Variants in KSR1 observed in about 807,000 individuals in gnomAD.
KSR1 encodes the protein kinase suppressor of ras 1, also known as kinase suppressor of ras.
Under a neutral mutation model 92.9 loss-of-function variants are expected in KSR1, and 35 were observed. The observed-to-expected ratio is 0.38, with a 90% CI of 0.29 to 0.50. The LOEUF (loss-of-function observed/expected upper bound fraction) is 0.50, where lower values mean the gene tolerates loss of function less well. Ranked by LOEUF, KSR1 falls within the 20% of genes least tolerant of loss-of-function variation. The probability of loss-of-function intolerance (pLI) is 0.94; values close to 1 mark genes in which losing one functional copy is unlikely to be tolerated. For synonymous variants in KSR1, 467 were observed against 472.6 expected (o/e 0.99, Z 0.15); for missense variants, 972 against 1,158.5 (o/e 0.84, Z 2.34).
chr17:27,491,915 C>T (rs1231172010), intron 1 of KSR1, among the ~76,000 whole-genome samples: 1 of 152,158 alleles, frequency 6.6e-6, no homozygotes, highest in Non-Finnish European at 1.5e-5. Context: ...ATACTCTGCT[C>T]ACCATCTGTT....
intron 4 of KSR1, 61 bp from the exon 5 acceptor site, chr17:27,585,596 T>C (rs1198813405): frequency 1.4e-6 from 1 of 732,048 alleles, no homozygotes; most frequent in Non-Finnish European, 2.5e-6. Flanking sequence ...GGTAGTGTTC[T>C]AGGAACACGC....
chr17:27,506,172 A>C (rs995860446), intron 1 of KSR1, among the ~76,000 whole-genome samples: 2 of 152,332 alleles, frequency 1.3e-5, no homozygotes, highest in African/African-American at 4.8e-5. Flanking sequence ...CACCACGGGA[A>C]GGCAATAGTG....
At chr17:27,560,264 G>A (rs1193484639) in intron 2 of KSR1, 3 of 399,140 alleles carry the variant, frequency 7.5e-6, no homozygotes, top group African/African-American at 6.3e-5. Context: ...CTGCTGGCAT[G>A]GAGCCATTTT....
intron 1 of KSR1, among the ~76,000 whole-genome samples, chr17:27,524,176 G>A (rs1482318772): frequency 1.3e-5 from 2 of 152,046 alleles, no homozygotes; most frequent in Admixed American, 1.3e-4. Flanking sequence ...AGGCTGCTGA[G>A]TTGTCAGAAA....
intron 1 of KSR1, among the ~76,000 whole-genome samples, chr17:27,464,629 A>C (rs1597821237): frequency 6.6e-6 from 1 of 151,454 alleles, no homozygotes. Context: ...CTGAGGCTGG[A>C]GGAGCACTTG....
intron 2 of KSR1, among the ~76,000 whole-genome samples, chr17:27,562,641 A>G (rs2071880587): frequency 6.6e-6 from 1 of 152,252 alleles, no homozygotes; most frequent in African/African-American, 2.4e-5. Context: ...AGATTGCTCT[A>G]GAACAGATCT....
intron 2 of KSR1, among the ~76,000 whole-genome samples, chr17:27,569,711 T>C (rs1214881826): frequency 6.6e-6 from 1 of 152,264 alleles, no homozygotes; most frequent in Non-Finnish European, 1.5e-5. Context: ...CACCCATTTG[T>C]GTACGTGTTG....
chr17:27,526,012 C>CTTT (rs1346952230), intron 1 of KSR1, among the ~76,000 whole-genome samples: 1 of 98,232 alleles, frequency 1.0e-5, no homozygotes, highest in African/African-American at 5.7e-5. Flanking sequence ...CTTTTCTTTT[C>CTTT]TTTTCTTTTC....
At chr17:27,496,996 C>T (rs1052384609) in intron 1 of KSR1, among the ~76,000 whole-genome samples, 38 of 152,228 alleles carry the variant, frequency 2.5e-4, no homozygotes, top group Admixed American at 2.6e-4. Flanking sequence ...AAGCAGAAAG[C>T]ATCCGACCCT....
chr17:27,616,419 CTTTCTTA>C (rs1202387479), intron 18 of KSR1, among the ~76,000 whole-genome samples: 2 of 152,166 alleles, frequency 1.3e-5, no homozygotes, highest in East Asian at 3.8e-4. Flanking sequence ...ATTTCAAGCA[CTTTCTTA>C]TTTGTTGATT....
chr17:27,533,779 T>G (rs2070644752), intron 1 of KSR1, among the ~76,000 whole-genome samples: 1 of 152,256 alleles, frequency 6.6e-6, no homozygotes, highest in South Asian at 2.1e-4. Flanking sequence ...CATAAAGCAC[T>G]TAAAGCAGTG....
chr17:27,518,977 G>A (rs1352605343), intron 1 of KSR1, among the ~76,000 whole-genome samples: 2 of 152,196 alleles, frequency 1.3e-5, no homozygotes, highest in Non-Finnish European at 2.9e-5. Context: ...CAGGTGTTGG[G>A]TGATGTGTCT....
chr17:27,498,337 C>CAAAAA (rs761230745), intron 1 of KSR1, among the ~76,000 whole-genome samples: 1 of 52,280 alleles, frequency 1.9e-5, no homozygotes, highest in Non-Finnish European at 4.5e-5. Flanking sequence ...GACTCAGTCT[C>CAAAAA]AAAAAAAAAA....
At chr17:27,492,152 TGTAGCA>T (rs1329078448) in intron 1 of KSR1, among the ~76,000 whole-genome samples, 1 of 152,118 alleles carries the variant, frequency 6.6e-6, no homozygotes, top group Non-Finnish European at 1.5e-5. Context: ...GGAGAGTGTG[TGTAGCA>T]GATACGAGTG....
chr17:27,610,244 A>G, intron 17 of KSR1, 46 bp downstream of exon 17: 1 of 1,611,808 alleles, frequency 6.2e-7, no homozygotes, highest in Middle Eastern at 1.7e-4. Flanking sequence ...GCCAAAACAG[A>G]GGGCCCTGGT....
intron 2 of KSR1, among the ~76,000 whole-genome samples, chr17:27,565,899 T>C (rs2072042324): frequency 1.3e-5 from 2 of 152,200 alleles, no homozygotes; most frequent in Non-Finnish European, 1.5e-5. Flanking sequence ...TTGCATGGAC[T>C]CCAGTTCACG....
intron 2 of KSR1, among the ~76,000 whole-genome samples, chr17:27,562,337 C>G (rs2071866288): frequency 6.6e-6 from 1 of 152,246 alleles, no homozygotes; most frequent in Non-Finnish European, 1.5e-5. Flanking sequence ...GAATTTTGGT[C>G]TCTTGGCCCA....
intron 1 of KSR1, among the ~76,000 whole-genome samples, chr17:27,529,355 T>C (rs2070446672): frequency 2.0e-5 from 3 of 152,238 alleles, no homozygotes; most frequent in Non-Finnish European, 2.9e-5. Flanking sequence ...TTCCCCATGT[T>C]TGGCTATTTT....
intron 1 of KSR1, among the ~76,000 whole-genome samples, chr17:27,486,408 G>T (rs1005286379): frequency 4.6e-5 from 7 of 152,194 alleles, no homozygotes; most frequent in African/African-American, 1.7e-4. Context: ...GCCAAATGTG[G>T]TTGTGACTGC....
Sources: gnomAD v4.1 joint callset for allele counts (sites outside exome capture counted in the v4.1 genomes callset) on GRCh38, gnomAD v4.1.1 for gene constraint, MANE v1.5 for transcripts, NCBI Gene and HGNC (gene_info 2026-07-23, HGNC 2026-07-21) for gene names.